Variants in RAVER2 observed in about 807,000 individuals in gnomAD.
RAVER2 encodes the protein ribonucleoprotein, PTB binding 2.
A neutral mutation model predicts 78.1 loss-of-function variants in RAVER2; 46 were observed. The observed-to-expected ratio is 0.59, with a 90% CI of 0.46 to 0.75. RAVER2 has a LOEUF of 0.75. RAVER2 is among the 30% of genes least tolerant of loss of function. The pLI is 0.00. For synonymous variants in RAVER2, 311 were observed against 313.3 expected (o/e 0.99, Z 0.08); for missense variants, 793 against 837.5 (o/e 0.95, Z 0.66).
At chr1:64,774,478 A>T (rs1212137006) in intron 2 of RAVER2, among the ~76,000 whole-genome samples, 2 of 152,066 alleles carry the variant, frequency 1.3e-5, no homozygotes, top group Non-Finnish European at 2.9e-5. Context: ...CAAAGATCAG[A>T]TGGTTGTAGA....
chr1:64,830,125 G>T (rs1654088833), intron 11 of RAVER2, among the ~76,000 whole-genome samples: 1 of 152,144 alleles, frequency 6.6e-6, no homozygotes, highest in Non-Finnish European at 1.5e-5. Flanking sequence ...ATTGATAAAA[G>T]CTTGCTGCAC....
chr1:64,745,150 G>T lies in RAVER2; in HGVS notation c.-23G>T. The stretch of plus-strand genomic sequence containing the variant: ...TTCCCCTGGAGCCTCCGAGGAGTCC[G>T]CAGCCGCTGGGCGCCCGGGAAGATG... On this transcript the variant is annotated 5_prime_UTR_variant, in exon 1 of 12. Coordinates refer to ENST00000294428, the Ensembl canonical transcript of RAVER2. The surrounding 1 kb of genome is among the most constrained non-coding windows in gnomAD (Gnocchi z 4.3). The T allele has an allele frequency of 9.8e-7, 1 of 1,017,652 alleles. No individual in the cohort carries two copies. 63.0% of individuals were successfully genotyped at this position (1,017,652 alleles called of 1,614,324 possible).
intron 11 of RAVER2, among the ~76,000 whole-genome samples, chr1:64,829,598 C>G (rs1654076840): frequency 6.6e-6 from 1 of 152,156 alleles, no homozygotes; most frequent in Non-Finnish European, 1.5e-5. Context: ...TAGGGCTGAA[C>G]CCCTCGTCAC....
intron 5 of RAVER2, among the ~76,000 whole-genome samples, chr1:64,801,176 G>A (rs1233388417): frequency 1.3e-5 from 2 of 151,502 alleles, no homozygotes; most frequent in East Asian, 3.9e-4. Flanking sequence ...TCAGCTCACT[G>A]CAACCTCCGC....
At chr1:64,786,158 T>A (rs1289826064) in intron 4 of RAVER2, among the ~76,000 whole-genome samples, 1 of 152,210 alleles carries the variant, frequency 6.6e-6, no homozygotes, top group East Asian at 1.9e-4. Flanking sequence ...ATTTGTTTCT[T>A]GTTCCTTTAG....
chr1:64,781,447 C>T, exon 4 of RAVER2: 1 of 1,613,886 alleles, frequency 6.2e-7, no homozygotes, highest in Non-Finnish European at 8.5e-7. Flanking sequence ...GCGGAGCAGG[C>T]TGAAGAGGTC....
At chr1:64,771,598 G>C (rs748071971) in intron 2 of RAVER2, among the ~76,000 whole-genome samples, 17 of 152,008 alleles carry the variant, frequency 1.1e-4, no homozygotes, top group Non-Finnish European at 1.5e-4. Flanking sequence ...TGTGAGATTT[G>C]TAACACATGT....
At chr1:64,784,296 G>A (rs1045856807) in intron 4 of RAVER2, among the ~76,000 whole-genome samples, 7 of 152,164 alleles carry the variant, frequency 4.6e-5, no homozygotes, top group South Asian at 2.1e-4. Flanking sequence ...AGAATAACCC[G>A]AGCCCAGGAG....
intron 5 of RAVER2, among the ~76,000 whole-genome samples, chr1:64,795,082 T>C (rs985173280): frequency 6.6e-6 from 1 of 152,144 alleles, no homozygotes; most frequent in Non-Finnish European, 1.5e-5. Flanking sequence ...AATGTTTCAT[T>C]GAATATTTTG....
At chr1:64,812,751 A>G (rs1470881665) in exon 10 of RAVER2, 10 of 1,611,174 alleles carry the variant, frequency 6.2e-6, no homozygotes, top group Non-Finnish European at 8.5e-6. Flanking sequence ...GCCTCTAAGA[A>G]TCAAACTTCA....
chr1:64,807,628 T>C (rs1653481855), intron 9 of RAVER2, among the ~76,000 whole-genome samples, 154 bp downstream of exon 9: 1 of 140,394 alleles, frequency 7.1e-6, no homozygotes, highest in Admixed American at 7.1e-5. Flanking sequence ...TTGCATTCTT[T>C]TAAAAAATCT....
chr1:64,814,707 C>T (rs1653711563), exon 11 of RAVER2: 1 of 1,452,644 alleles, frequency 6.9e-7, no homozygotes, highest in Non-Finnish European at 9.1e-7. Context: ...CCTTTAGCCC[C>T]TGCAAGTAAA....
chr1:64,832,516 A>G (rs1054241141), exon 12 of RAVER2: 2 of 152,358 alleles, frequency 1.3e-5, no homozygotes, highest in Admixed American at 6.5e-5. Context: ...TGGGATCTCA[A>G]TCCGGGGCTT....
At chr1:64,831,097 TC>T in exon 12 of RAVER2, 1 of 1,155,358 alleles carries the variant, frequency 8.7e-7, no homozygotes, top group Non-Finnish European at 1.2e-6. Context: ...GTTTATAGTT[TC>T]CCAGAAGGAA....
intron 4 of RAVER2, among the ~76,000 whole-genome samples, chr1:64,788,907 A>G (rs888143613): frequency 5.3e-5 from 8 of 152,176 alleles, no homozygotes; most frequent in African/African-American, 1.7e-4. Flanking sequence ...CAGGGTTTCA[A>G]TATGTCACCC....
intron 1 of RAVER2, among the ~76,000 whole-genome samples, chr1:64,760,965 ACTGT>A (rs1191977209): frequency 5.9e-5 from 9 of 152,282 alleles, no homozygotes; most frequent in Admixed American, 1.3e-4. Context: ...TGTGTCACAA[ACTGT>A]CTGTACAAGT....
At chr1:64,828,653 CTTTTTT>C (rs1024334585) in intron 11 of RAVER2, among the ~76,000 whole-genome samples, 1 of 141,520 alleles carries the variant, frequency 7.1e-6, no homozygotes, top group Admixed American at 7.1e-5. Flanking sequence ...AACCCGTTTT[CTTTTTT>C]TTTTTTAAGG....
chr1:64,808,072 C>G (rs1481981807), intron 9 of RAVER2, among the ~76,000 whole-genome samples: 1 of 151,994 alleles, frequency 6.6e-6, no homozygotes, highest in African/African-American at 2.4e-5. Context: ...AAGGCAGAAC[C>G]AATTTTATCC....
chr1:64,749,023 A>G (rs1651621156), intron 1 of RAVER2, among the ~76,000 whole-genome samples: 1 of 150,864 alleles, frequency 6.6e-6, no homozygotes, highest in Admixed American at 6.6e-5. Flanking sequence ...AATTTTTTGT[A>G]GAGACATCGT....
Sources: gnomAD v4.1 joint callset for allele counts (sites outside exome capture counted in the v4.1 genomes callset) on GRCh38, gnomAD v4.1.1 for gene constraint, Gnocchi (gnomAD v3.1) non-coding constraint, MANE v1.5 for transcripts, NCBI Gene and HGNC (gene_info 2026-07-23, HGNC 2026-07-21) for gene names.